Variants in FREM1 observed in about 807,000 individuals in gnomAD.
FREM1 encodes the protein FRAS1-related extracellular matrix protein 1.
In FREM1, 220 loss-of-function variants were observed where a neutral mutation model predicts 210.1. The ratio of observed to expected loss-of-function variants is 1.05; its 90% CI spans 0.94 to 1.17. The LOEUF is 1.17. FREM1 is among the 50% of genes most tolerant of loss of function. The probability of loss-of-function intolerance (pLI) is 0.00; values close to 1 mark genes in which losing one functional copy is unlikely to be tolerated. For synonymous variants in FREM1, 1,189 were observed against 980.2 expected, an observed-to-expected ratio of 1.21 and a Z score of -3.98; for missense variants, 3,454 against 2,675.5, an observed-to-expected ratio of 1.29 and a Z score of -6.42.
chr9:14,788,328 T>C (rs867532638), intron 23 of FREM1, among the ~76,000 whole-genome samples: 6 of 152,138 alleles, frequency 3.9e-5, no homozygotes, highest in South Asian at 2.1e-4. Flanking sequence ...TCTCCCCCAT[T>C]CACCACTTAT....
intron 2 of FREM1, among the ~76,000 whole-genome samples, chr9:14,867,450 T>C (rs1831736301): frequency 6.6e-6 from 1 of 152,200 alleles, no homozygotes; most frequent in African/African-American, 2.4e-5. Flanking sequence ...TCTAAAGCTC[T>C]TTGACTGACG....
chr9:14,820,840 G>C (rs567642899), intron 13 of FREM1, among the ~76,000 whole-genome samples: 1 of 152,332 alleles, frequency 6.6e-6, no homozygotes, highest in South Asian at 2.1e-4. Context: ...AAGAGAGGGA[G>C]CTCTTACTCA....
chr9:14,892,844 T>C (rs770360035), intron 1 of FREM1, among the ~76,000 whole-genome samples: 2 of 152,174 alleles, frequency 1.3e-5, no homozygotes, highest in Non-Finnish European at 2.9e-5. Context: ...TTTCTCTCTC[T>C]CCTTTCCTTT....
chr9:14,864,728 T>C (rs1441070222), intron 2 of FREM1, among the ~76,000 whole-genome samples: 3 of 152,242 alleles, frequency 2.0e-5, no homozygotes, highest in Non-Finnish European at 2.9e-5. Context: ...CCTTGAGGTA[T>C]GCACGCATGT....
chr9:14,880,657 C>T (rs977926720), intron 1 of FREM1, among the ~76,000 whole-genome samples: 2 of 149,676 alleles, frequency 1.3e-5, no homozygotes, highest in African/African-American at 4.9e-5. Context: ...TGTAAAATTG[C>T]ATGTGTGTTG....
chr9:14,838,669 A>T (rs1453759685), intron 10 of FREM1, among the ~76,000 whole-genome samples: 3 of 152,198 alleles, frequency 2.0e-5, no homozygotes, highest in African/African-American at 7.2e-5. Context: ...AAAGAACCAG[A>T]ATTCATTTGG....
chr9:14,842,753 G>T (rs1214088617), intron 8 of FREM1, 93 bp from the exon 9 acceptor site: 2 of 863,958 alleles, frequency 2.3e-6, no homozygotes, highest in African/African-American at 1.7e-5. Flanking sequence ...GGCTGCTAAG[G>T]AAAGTGTGCA....
chr9:14,743,481 A>G (rs1427165654), intron 35 of FREM1, among the ~76,000 whole-genome samples: 10 of 152,146 alleles, frequency 6.6e-5, no homozygotes, highest in Admixed American at 6.5e-4. Context: ...GTAATAAAGA[A>G]CAGTCCTTTA....
At chr9:14,857,058 G>C (rs1828892735) in intron 5 of FREM1, among the ~76,000 whole-genome samples, 2 of 152,148 alleles carry the variant, frequency 1.3e-5, no homozygotes, top group Non-Finnish European at 2.9e-5. Context: ...TTGGGAGCCT[G>C]TCTCCTTGAT....
chr9:14,797,803 C>T (rs1487503579), intron 20 of FREM1, among the ~76,000 whole-genome samples, 161 bp from the exon 21 acceptor site: 1 of 152,094 alleles, frequency 6.6e-6, no homozygotes, highest in Non-Finnish European at 1.5e-5. Context: ...TAAAAGAGTG[C>T]CTTCTTAGCC....
chr9:14,739,009 C>A (rs377061914), intron 36 of FREM1, among the ~76,000 whole-genome samples: 1,247 of 87,598 alleles, frequency 0.014, no homozygotes, highest in South Asian at 0.021. Context: ...GATTCTGTCT[C>A]AAAAAAAAAA....
intron 30 of FREM1, among the ~76,000 whole-genome samples, chr9:14,749,425 A>G (rs996923146): frequency 3.3e-5 from 5 of 152,134 alleles, no homozygotes; most frequent in African/African-American, 9.7e-5. Context: ...GCAAGAAAAA[A>G]ATATGGACCA....
At chr9:14,773,043 A>C (rs1402866959) in intron 25 of FREM1, among the ~76,000 whole-genome samples, 2 of 152,176 alleles carry the variant, frequency 1.3e-5, no homozygotes, top group Admixed American at 1.3e-4. Flanking sequence ...TAGCTTTGTC[A>C]AAAGTAGATC....
intron 21 of FREM1, 117 bp from the exon 22 acceptor site, chr9:14,793,001 T>A (rs912065222): frequency 4.7e-6 from 3 of 643,310 alleles, no homozygotes; most frequent in South Asian, 2.6e-5. Flanking sequence ...TGACATTCAA[T>A]ATTCAAAGCA....
In FREM1 at chr9:14,747,624, A is replaced by T. The variant is rs551878540; in HGVS notation, c.5844+57T>A. 6.3e-6 allele frequency: 7 copies of T among 1,114,896 alleles called. No individual in the cohort carries two copies. The Admixed American group carries it at 1.7e-4, about 27-fold the overall frequency. The allele number at this position is 1,114,896 out of a possible 1,614,324, so 69.1% of individuals were successfully genotyped here. On this transcript the variant is annotated intron_variant, in intron 32 of 36. Transcript: ENST00000380880. ...ATAAAAAATATAAAATAATAGCTTC[A>T]TTAAATACTTGCATCCATAAATATA...
intron 34 of FREM1, 100 bp from the exon 35 acceptor site, chr9:14,746,568 G>C: frequency 1.1e-6 from 1 of 900,806 alleles, no homozygotes; most frequent in African/African-American, 1.6e-5. Context: ...CAGTCAAGTA[G>C]TTTGGTTACC....
chr9:14,867,833 A>C (rs1033835288), intron 2 of FREM1, among the ~76,000 whole-genome samples: 2 of 152,212 alleles, frequency 1.3e-5, no homozygotes, highest in Admixed American at 6.5e-5. Flanking sequence ...GACAGTGGGA[A>C]CAAGTAATAA....
At position 14,747,164 on chromosome 9, in the gene FREM1, A is replaced by T. The variant is rs1842616720; in HGVS notation, c.6009+100T>A. On this transcript the variant is annotated intron_variant, in intron 33 of 36. Transcript: ENST00000380880. ...GGGAAGCATTTGTGTTGGGTAAACT[A>T]TCCCCCCAACCTTGGAGGCTATTTT... The T allele has an allele frequency of 1.1e-5, 18 of 1,567,592 alleles. No homozygotes were observed. In the South Asian group the frequency reaches 1.9e-4, roughly 17 times the overall value.
In FREM1 at chr9:14,806,716, G is replaced by A. The variant is rs749270798; in HGVS notation, c.3219C>T (p.Leu1073=). ...AACCCACAGAAGGGAGTATATTTTC[G>A]AGGTAGCCAAACTGAGGAGGAGAAA... ...VLVSPPQFGY[L]ENILPSVGFE... Residue 1073 remains leucine (L), a synonymous_variant, in exon 18 of 37, where the codon CTC becomes CTT. Transcript: ENST00000380880. The A allele has an allele frequency of 1.5e-5, 24 of 1,603,662 alleles. No homozygotes were observed. The highest frequency in any genetic ancestry group is 1.0e-4 in the South Asian group (9 of 88,512).
Sources: allele counts gnomAD v4.1 joint callset (sites outside exome capture counted in the v4.1 genomes callset), GRCh38; gene constraint gnomAD v4.1.1; transcripts MANE v1.5; gene names NCBI Gene and HGNC (gene_info 2026-07-23, HGNC 2026-07-21).